TMEM170A: variants seen among roughly 807,000 people sequenced by gnomAD.
The protein encoded by TMEM170A is transmembrane protein 170.
In TMEM170A, 18 loss-of-function variants were observed where a neutral mutation model predicts 12.8. The ratio of observed to expected loss-of-function variants is 1.41; its 90% CI spans 0.97 to 2.09. TMEM170A has a LOEUF of 2.09. Among genes scored for constraint, TMEM170A ranks in the 30% most tolerant of loss-of-function variants. The pLI, the probability that TMEM170A is intolerant of heterozygous loss-of-function variation, is 0.00. For missense variants in TMEM170A, 220 were observed against 179.9 expected, an observed-to-expected ratio of 1.22 and a Z score of -1.28; for synonymous variants, 107 against 76.2, an observed-to-expected ratio of 1.40 and a Z score of -2.11.
intron 2 of TMEM170A, among the ~76,000 whole-genome samples, chr16:75,451,191 C>T (rs576250441): frequency 1.3e-5 from 2 of 151,878 alleles, no homozygotes; most frequent in Non-Finnish European, 2.9e-5. Context: ...TGAAATCTGA[C>T]TCAAGAAGTC....
At chr16:75,457,895 A>G (rs2079828146) in intron 1 of TMEM170A, among the ~76,000 whole-genome samples, 1 of 152,194 alleles carries the variant, frequency 6.6e-6, no homozygotes, top group Admixed American at 6.5e-5. Flanking sequence ...AGTAGGAAAA[A>G]AAGGTTTATT....
chr16:75,463,942 T>G (rs116475745), intron 1 of TMEM170A, among the ~76,000 whole-genome samples: 4,636 of 152,294 alleles, frequency 0.03, 121 homozygotes, highest in South Asian at 0.083. Context: ...GGAGCGGGTC[T>G]CGGAGGGGGA....
chr16:75,447,754 C>A, intron 2 of TMEM170A, 66 bp from the exon 3 acceptor site: 1 of 1,511,752 alleles, frequency 6.6e-7, no homozygotes, highest in Non-Finnish European at 8.9e-7. Flanking sequence ...CACGAAAATA[C>A]AACATTTAAA....
chr16:75,443,399 G>A lies in TMEM170A; in HGVS notation c.*4159C>T, dbSNP rs2079533088. Reference sequence around the variant, plus strand: ...AATATAAAAAGTTAAGCTGATCTGAGTCACAACCAGCCTTATAGAGTGCAC... The same window carrying A: ...AATATAAAAAGTTAAGCTGATCTGAATCACAACCAGCCTTATAGAGTGCAC... On this transcript the variant is annotated 3_prime_UTR_variant, in exon 3 of 3. Coordinates refer to ENST00000561878, the MANE Select transcript of TMEM170A (RefSeq NM_145254.3). 6.6e-6 allele frequency: 1 copy of A among 152,148 alleles called. No individual in the cohort carries two copies. Among genetic ancestry groups the A allele is most frequent in the Non-Finnish European group, 1.5e-5 (1 of 68,032 alleles). The allele number at this position is 152,148 out of a possible 1,614,324, so 9.4% of individuals were successfully genotyped here. A position where few individuals can be genotyped will look rare whatever the true frequency, so the allele number is the denominator to read the frequency against.
intron 1 of TMEM170A, among the ~76,000 whole-genome samples, chr16:75,453,722 G>A (rs1184988692): frequency 1.3e-5 from 2 of 152,296 alleles, no homozygotes; most frequent in South Asian, 4.1e-4. Context: ...GAAGACAAAT[G>A]GCAGGTAAAC....
intron 2 of TMEM170A, among the ~76,000 whole-genome samples, chr16:75,450,669 T>C (rs2079665739): frequency 6.6e-6 from 1 of 152,108 alleles, no homozygotes; most frequent in Non-Finnish European, 1.5e-5. Context: ...GAATTCTTTT[T>C]TTTTCCCCCG....
rs777297410 is a variant in TMEM170A at position 75,451,851 on chromosome 16, G to A, written c.134-12C>T. ...ACCATACCACATCTCTATGAGGGAA[G>A]ACAAAGAAAAGTTGTGAATCACTGC... On this transcript the variant is annotated splice_polypyrimidine_tract_variant and intron_variant, in intron 1 of 2. Coordinates refer to ENST00000561878, the MANE Select transcript of TMEM170A (RefSeq NM_145254.3). The A allele has an allele frequency of 5.0e-6, 8 of 1,600,186 alleles. No homozygotes were observed. Among genetic ancestry groups the A allele is most frequent in the Non-Finnish European group, 6.8e-6 (8 of 1,172,464 alleles).
chr16:75,448,397 T>C lies in TMEM170A; in HGVS notation c.305-709A>G, dbSNP rs77688595. On this transcript the variant is annotated intron_variant, in intron 2 of 2. Transcript: ENST00000561878. ...CCCCTGTATCTATGCAGATACCCATTTGAGTTACTATACGAGTTCAGCATT... is the reference window on the plus strand; with the variant it reads ...CCCCTGTATCTATGCAGATACCCATCTGAGTTACTATACGAGTTCAGCATT... Among the ~76,000 whole-genome samples, 20 of 152,306 alleles carry C rather than the reference T, an allele frequency of 1.3e-4. No homozygotes were observed. The East Asian group carries it at 3.5e-3, about 26-fold the overall frequency.
chr16:75,455,832 G>A (rs1340318377), intron 1 of TMEM170A, among the ~76,000 whole-genome samples: 1 of 152,176 alleles, frequency 6.6e-6, no homozygotes, highest in Non-Finnish European at 1.5e-5. Flanking sequence ...GAACTGCTCA[G>A]GAAGAATGAG....
chr16:75,453,377 T>A (rs1251829591), intron 1 of TMEM170A, among the ~76,000 whole-genome samples: 1 of 152,152 alleles, frequency 6.6e-6, no homozygotes, highest in African/African-American at 2.4e-5. Flanking sequence ...GAGGTTGCAG[T>A]AAGTCAAGAT....
chr16:75,456,624 C>A (rs1057444186), intron 1 of TMEM170A, among the ~76,000 whole-genome samples: 2 of 152,204 alleles, frequency 1.3e-5, no homozygotes, highest in East Asian at 1.9e-4. Flanking sequence ...CTCTTCTAGC[C>A]GCCATTAGGC....
Position 75,461,182 on chromosome 16 carries a change from T to C in TMEM170A, c.133+3286A>G, listed in dbSNP as rs149092148. On this transcript the variant is annotated intron_variant, in intron 1 of 2. Transcript: ENST00000561878. Reference sequence around the variant, plus strand: ...GATTCTCCTGCCTCAGCCTCCCGAGTAGCTGGAATTACAGGCATGCACCAC... The same window carrying C: ...GATTCTCCTGCCTCAGCCTCCCGAGCAGCTGGAATTACAGGCATGCACCAC... Among the ~76,000 whole-genome samples the C allele has an allele frequency of 2.0e-5, 3 of 152,160 alleles. No homozygotes were observed. The East Asian group carries it at 5.8e-4, about 29-fold the overall frequency.
chr16:75,457,954 A>G (rs2079829642), intron 1 of TMEM170A, among the ~76,000 whole-genome samples: 1 of 152,226 alleles, frequency 6.6e-6, no homozygotes, highest in African/African-American at 2.4e-5. Context: ...ACATGAGGTT[A>G]TTACAGGACT....
chr16:75,451,896 G>A, intron 1 of TMEM170A, 57 bp from the exon 2 acceptor site: 2 of 1,480,042 alleles, frequency 1.4e-6, no homozygotes. Context: ...GACAATCATT[G>A]CAGAGGGTAC....
At chr16:75,456,456 G>A (rs963076262) in intron 1 of TMEM170A, among the ~76,000 whole-genome samples, 2 of 152,056 alleles carry the variant, frequency 1.3e-5, no homozygotes, top group African/African-American at 2.4e-5. Flanking sequence ...GTGGGGTGGC[G>A]CAAGCCTGTA....
intron 1 of TMEM170A, among the ~76,000 whole-genome samples, chr16:75,463,049 TAGAGAGAGAGAAAGAGAGC>T (rs1419962739): frequency 1.3e-5 from 2 of 151,694 alleles, no homozygotes; most frequent in Admixed American, 1.3e-4. Context: ...GTTATATATA[TAGAGAGAGAGAAAGAGAGC>T]AGAGAGAGAG....
chr16:75,463,243 G>A (rs1175661008), intron 1 of TMEM170A, among the ~76,000 whole-genome samples: 1 of 152,088 alleles, frequency 6.6e-6, no homozygotes, highest in African/African-American at 2.4e-5. Context: ...AGTGCCTCCA[G>A]ATTGCACGAA....
intron 2 of TMEM170A, among the ~76,000 whole-genome samples, chr16:75,450,015 C>T (rs1440174378): frequency 6.6e-6 from 1 of 152,110 alleles, no homozygotes; most frequent in African/African-American, 2.4e-5. Context: ...ATCATATACA[C>T]ATTAGCTCAA....
intron 1 of TMEM170A, among the ~76,000 whole-genome samples, chr16:75,461,493 A>G (rs1567705321): frequency 6.6e-6 from 1 of 152,282 alleles, no homozygotes; most frequent in Non-Finnish European, 1.5e-5. Flanking sequence ...TGATTCTGCC[A>G]TAATGAGTTG....
Sources: gnomAD v4.1 joint callset for allele counts (sites outside exome capture counted in the v4.1 genomes callset) on GRCh38, gnomAD v4.1.1 for gene constraint, MANE v1.5 for transcripts, NCBI Gene and HGNC (gene_info 2026-07-23, HGNC 2026-07-21) for gene names.